Variants in EDN1 observed in about 807,000 individuals in gnomAD.
EDN1 encodes endothelin 1.
Under a neutral mutation model 21.7 loss-of-function variants are expected in EDN1, and 11 were observed. The observed-to-expected ratio is 0.51, with a 90% confidence interval of 0.32 to 0.84. EDN1 has a LOEUF of 0.84. Ranked by LOEUF, EDN1 falls within the 40% of genes least tolerant of loss-of-function variation. The pLI, the probability that EDN1 is intolerant of heterozygous loss-of-function variation, is 0.03. For synonymous variants in EDN1, 85 were observed against 90.6 expected (o/e 0.94, Z 0.35); for missense variants, 244 against 262.3 (o/e 0.93, Z 0.48).
chr6:12,265,739 G>A, the EDN1 span, among the ~76,000 whole-genome samples: 1 of 152,186 alleles, frequency 6.6e-6, no homozygotes, highest in African/African-American at 2.4e-5. Context: ...TAACAATGAT[G>A]TCTTAGTTAT....
chr6:12,285,303 C>T, the EDN1 span, among the ~76,000 whole-genome samples: 34 of 152,134 alleles, frequency 2.2e-4, no homozygotes, highest in African/African-American at 5.1e-4. Context: ...GGGAGGTATC[C>T]GTTAAAAACT....
At chr6:12,251,886 A>T in the EDN1 span, among the ~76,000 whole-genome samples, 1 of 152,094 alleles carries the variant, frequency 6.6e-6, no homozygotes, top group East Asian at 1.9e-4. Context: ...ACCCTCTTAA[A>T]CCTTTTCTAG....
the EDN1 span, among the ~76,000 whole-genome samples, chr6:12,264,917 G>A: frequency 6.6e-6 from 1 of 152,094 alleles, no homozygotes; most frequent in Non-Finnish European, 1.5e-5. Flanking sequence ...GATATCACAG[G>A]TCACTTGATT....
chr6:12,279,106 T>A, the EDN1 span, among the ~76,000 whole-genome samples: 114 of 152,310 alleles, frequency 7.5e-4, no homozygotes, highest in African/African-American at 2.4e-3. Flanking sequence ...AAAACCTGCT[T>A]GGATAGCCCT....
chr6:12,275,045 T>G, the EDN1 span, among the ~76,000 whole-genome samples: 3 of 138,770 alleles, frequency 2.2e-5, no homozygotes, highest in Non-Finnish European at 3.1e-5. Context: ...ACCCCTGATA[T>G]GAACTAGATA....
intron 3 of EDN1, 47 bp downstream of exon 3, chr6:12,294,143 A>C: frequency 6.2e-7 from 1 of 1,614,038 alleles, no homozygotes; most frequent in South Asian, 1.1e-5. Context: ...CAGCCTCCTG[A>C]ACTCCTTCCT....
At chr6:12,271,979 C>G in the EDN1 span, among the ~76,000 whole-genome samples, 1 of 152,044 alleles carries the variant, frequency 6.6e-6, no homozygotes, top group Non-Finnish European at 1.5e-5. Context: ...TCTCAAAAAG[C>G]CCCCAAATCC....
the EDN1 span, among the ~76,000 whole-genome samples, chr6:12,248,167 A>G: frequency 6.6e-6 from 1 of 152,196 alleles, no homozygotes; most frequent in Non-Finnish European, 1.5e-5. Context: ...AAGATTATAC[A>G]AAAGGAGGAA....
At chr6:12,247,944 G>A in the EDN1 span, among the ~76,000 whole-genome samples, 4 of 152,070 alleles carry the variant, frequency 2.6e-5, no homozygotes, top group Non-Finnish European at 5.9e-5. Context: ...GAGTCTGTGA[G>A]GAGATGTTAA....
the EDN1 span, among the ~76,000 whole-genome samples, chr6:12,261,612 T>C: frequency 1.3e-5 from 2 of 152,192 alleles, no homozygotes; most frequent in Non-Finnish European, 2.9e-5. Context: ...ACACAGGGGA[T>C]ACAGAACACT....
chr6:12,283,763 A>C, the EDN1 span, among the ~76,000 whole-genome samples: 1 of 152,166 alleles, frequency 6.6e-6, no homozygotes. Context: ...TCTCTTTCTC[A>C]TCATCATAAG....
rs761581288 is a variant in EDN1, at chr6:12,294,053, G to A, written c.346G>A (p.Asp116Asn). 56 of 1,614,098 alleles carry A rather than the reference G, an allele frequency of 3.5e-5. No homozygotes were observed. The highest frequency in any genetic ancestry group is 4.7e-5 in the Non-Finnish European group (55 of 1,180,050). Reference protein sequence around the residue: ...ENRCQCASQKDKKCWNFCQAG... With the variant: ...ENRCQCASQKNKKCWNFCQAG... ...TAGATGCCAATGTGCTAGCCAAAAA[G>A]ACAAGAAGTGCTGGAATTTTTGCCA... Residue 116 changes from aspartate (D) to asparagine (N), a missense_variant, in exon 3 of 5, where the codon GAC (aspartate) becomes AAC (asparagine). By Grantham distance (23) the Asp-to-Asn change is conservative. Transcript: ENST00000379375.
the EDN1 span, among the ~76,000 whole-genome samples, chr6:12,248,300 C>T: frequency 6.6e-6 from 1 of 152,138 alleles, no homozygotes; most frequent in Non-Finnish European, 1.5e-5. Flanking sequence ...GAATCGGCCA[C>T]CTTGGTCTGA....
At chr6:12,275,307 C>G in the EDN1 span, among the ~76,000 whole-genome samples, 11 of 152,236 alleles carry the variant, frequency 7.2e-5, no homozygotes, top group East Asian at 1.9e-3. Flanking sequence ...ATTTTTGGCT[C>G]TGAAGCTACT....
At chr6:12,232,984 A>G in the EDN1 span, among the ~76,000 whole-genome samples, 3 of 152,218 alleles carry the variant, frequency 2.0e-5, no homozygotes, top group Admixed American at 6.5e-5. Context: ...TGTCTACACA[A>G]GCCTTTAGAA....
chr6:12,252,832 C>T, the EDN1 span, among the ~76,000 whole-genome samples: 1 of 151,880 alleles, frequency 6.6e-6, no homozygotes, highest in Non-Finnish European at 1.5e-5. Flanking sequence ...TAAATTTGTC[C>T]TTGAGGAACA....
At chr6:12,276,332 G>A in the EDN1 span, among the ~76,000 whole-genome samples, 1 of 152,194 alleles carries the variant, frequency 6.6e-6, no homozygotes, top group Non-Finnish European at 1.5e-5. Flanking sequence ...TGCAAGCACT[G>A]TGCTGGGAAC....
intron 1 of EDN1, 21 bp downstream of exon 1, chr6:12,290,714 G>A (rs774368663): frequency 2.5e-6 from 4 of 1,604,272 alleles, no homozygotes; most frequent in East Asian, 2.2e-5. Context: ...TCGTTGACTT[G>A]TAAGTCTCGG....
At chr6:12,285,957 C>T (rs973870345), upstream of EDN1, among the ~76,000 whole-genome samples, 2 of 152,068 alleles carry the variant, frequency 1.3e-5, no homozygotes, top group African/African-American at 4.8e-5. Context: ...ACCATACCAA[C>T]CATGATTTCA....
Sources: gnomAD v4.1 joint callset for allele counts (sites outside exome capture counted in the v4.1 genomes callset) on GRCh38, gnomAD v4.1.1 for gene constraint, MANE v1.5 for transcripts, NCBI Gene and HGNC (gene_info 2026-07-23, HGNC 2026-07-21) for gene names.